GPX6: variants seen among roughly 807,000 people sequenced by gnomAD.
GPX6 encodes glutathione peroxidase 6, also known as glutathione peroxidase 6 (olfactory).
Under a neutral mutation model 20.0 loss-of-function variants are expected in GPX6, and 21 were observed. That is an observed-to-expected ratio of 1.05 (90% CI 0.74 to 1.51). The LOEUF (loss-of-function observed/expected upper bound fraction) is 1.51. GPX6 is among the 40% of genes most tolerant of loss of function. GPX6 has a pLI of 0.00. For missense variants in GPX6, 233 were observed against 254.7 expected (o/e 0.91, Z 0.58); for synonymous variants, 75 against 98.0 (o/e 0.77, Z 1.38).
intron 1 of GPX6, among the ~76,000 whole-genome samples, chr6:28,511,178 TC>T (rs1319673524): frequency 6.6e-6 from 1 of 152,202 alleles, no homozygotes; most frequent in Non-Finnish European, 1.5e-5. Flanking sequence ...TTACCTCTGT[TC>T]CCTGACACTG....
At chr6:28,510,090 C>T (rs1371997333) in intron 2 of GPX6, among the ~76,000 whole-genome samples, 1 of 152,234 alleles carries the variant, frequency 6.6e-6, no homozygotes, top group African/African-American at 2.4e-5. Flanking sequence ...AGAACAGTTT[C>T]ATACAAACAA....
At chr6:28,512,016 G>A (rs1445951597) in intron 1 of GPX6, among the ~76,000 whole-genome samples, 1 of 152,244 alleles carries the variant, frequency 6.6e-6, no homozygotes, top group African/African-American at 2.4e-5. Context: ...GGCCTTAGCT[G>A]CCACCCCGCG....
rs1035351585 is a variant in GPX6, at chr6:28,508,626, T to C, written c.241+2125A>G. On this transcript the variant is annotated intron_variant, in intron 2 of 4. Transcript: ENST00000361902. ...TTCGAGAGCAGCCTGACCAACATAG[T>C]GAAACCCAGTCTCTATTAAAAAAAA... is the stretch of plus-strand genomic sequence containing the variant. Among the ~76,000 whole-genome samples, 3 of 150,484 alleles carry C rather than the reference T, an allele frequency of 2.0e-5. No individual in the cohort carries two copies. The South Asian group carries it at 6.3e-4, about 32-fold the overall frequency.
intron 2 of GPX6, among the ~76,000 whole-genome samples, chr6:28,506,830 A>T (rs1762811260): frequency 6.6e-6 from 1 of 152,124 alleles, no homozygotes; most frequent in Non-Finnish European, 1.5e-5. Context: ...GATCAAAAAA[A>T]ATTGTAAGGA....
chr6:28,511,447 G>A (rs1443051395), intron 1 of GPX6, among the ~76,000 whole-genome samples: 2 of 152,230 alleles, frequency 1.3e-5, no homozygotes, highest in Non-Finnish European at 2.9e-5. Context: ...GTAGAGAAAG[G>A]CGGGTACCTA....
chr6:28,515,619 G>T (rs754627087), intron 1 of GPX6, 38 bp downstream of exon 1: 1 of 1,545,676 alleles, frequency 6.5e-7, no homozygotes, highest in Non-Finnish European at 8.9e-7. Context: ...TGGTCATCAC[G>T]TGCTGGAATC....
intron 4 of GPX6, among the ~76,000 whole-genome samples, chr6:28,505,319 A>G (rs558143525): frequency 7.9e-5 from 12 of 152,122 alleles, no homozygotes; most frequent in African/African-American, 2.7e-4. Context: ...TATTTTTACC[A>G]CTCTGTGACT....
At chr6:28,515,606 G>A (rs760592087) in intron 1 of GPX6, 51 bp downstream of exon 1, 8 of 1,405,848 alleles carry the variant, frequency 5.7e-6, no homozygotes, top group Non-Finnish European at 7.1e-6. Context: ...CTGGCAGCCA[G>A]GTTGGTCATC....
intron 2 of GPX6, 113 bp downstream of exon 2, chr6:28,510,638 C>T: frequency 8.1e-6 from 8 of 984,838 alleles, no homozygotes; most frequent in Non-Finnish European, 9.0e-6. Context: ...GTAGAGTCAC[C>T]TGATCAGTTC....
At chr6:28,506,523 T>G in intron 2 of GPX6, 94 bp from the exon 3 acceptor site, 1 of 737,768 alleles carries the variant, frequency 1.4e-6, no homozygotes. Context: ...ATCACATGAA[T>G]AAACCGAGGA....
chr6:28,510,118 T>C (rs4713167), intron 2 of GPX6, among the ~76,000 whole-genome samples: 62,765 of 152,088 alleles, frequency 0.41, 14,405 homozygotes, highest in African/African-American at 0.62. Flanking sequence ...TAACATGTGA[T>C]CATGATGAAT....
rs370474788 is a variant in GPX6 at position 28,506,292 on chromosome 6, G to C, written c.359+20C>G. ...GGAAATCCCGACAGGGCATCTGCAG[G>C]GTCCCATGCAAGCACTCACTTGAGA... On this transcript the variant is annotated intron_variant, in intron 3 of 4. Transcript: ENST00000361902. 7.1e-7 allele frequency: 1 copy of C among 1,404,662 alleles called. No homozygotes were observed. The highest frequency in any genetic ancestry group is 1.4e-5 in the African/African-American group (1 of 70,718). The allele number at this position is 1,404,662 out of a possible 1,614,324, so 87.0% of individuals were successfully genotyped here.
At chr6:28,512,569 A>G (rs1279849161) in intron 1 of GPX6, among the ~76,000 whole-genome samples, 2 of 152,164 alleles carry the variant, frequency 1.3e-5, no homozygotes, top group Non-Finnish European at 2.9e-5. Context: ...AAATGGACCA[A>G]TCAGCAGGAT....
intron 1 of GPX6, among the ~76,000 whole-genome samples, chr6:28,511,663 G>A (rs1250854232): frequency 6.6e-6 from 1 of 152,278 alleles, no homozygotes; most frequent in Admixed American, 6.5e-5. Flanking sequence ...CGTGGTGAGA[G>A]GTGACAACAT....
chr6:28,504,454 T>C lies in GPX6; in HGVS notation c.504A>G (p.Gln168=). 1.2e-6 allele frequency: 2 copies of C among 1,614,044 alleles called. No homozygotes were observed. Among genetic ancestry groups the C allele is most frequent in the Non-Finnish European group, 1.7e-6 (2 of 1,180,030 alleles). The change falls in exon 5 of 5, where the codon CAA becomes CAG. Residue 168 remains glutamine, a synonymous_variant. Coordinates refer to ENST00000361902, the MANE Select transcript of GPX6 (RefSeq NM_182701.1). ...GGACCTTCATGGGCTCCCAGAAGAG[T>C]TGGCTTGATGAGCCCAAAAGATCAG... is the stretch of plus-strand genomic sequence containing the variant. ...PTSDLLGSSS[Q]LFWEPMKVHD... is the part of the protein sequence containing the mutation.
At chr6:28,515,590 G>A (rs1410758730) in intron 1 of GPX6, 67 bp downstream of exon 1, 44 of 1,211,868 alleles carry the variant, frequency 3.6e-5, no homozygotes, top group Non-Finnish European at 1.7e-5. Context: ...AGAACTCCTT[G>A]CAACTCTGGC....
chr6:28,512,975 C>T (rs925359347), intron 1 of GPX6, among the ~76,000 whole-genome samples: 6 of 152,036 alleles, frequency 3.9e-5, no homozygotes, highest in African/African-American at 7.2e-5. Context: ...ATTCTGGACA[C>T]GCTGCCTTAA....
chr6:28,510,127 A>G (rs1368618837), intron 2 of GPX6, among the ~76,000 whole-genome samples: 1 of 152,250 alleles, frequency 6.6e-6, no homozygotes, highest in African/African-American at 2.4e-5. Context: ...ATCATGATGA[A>G]TCAAGGCAAA....
chr6:28,510,782 G>C lies in GPX6; in HGVS notation c.210C>G (p.Ala70=). 1 of 1,613,902 alleles carries C rather than the reference G, an allele frequency of 6.2e-7. No homozygotes were observed. Among genetic ancestry groups the C allele is most frequent in the Non-Finnish European group, 8.5e-7 (1 of 1,179,938 alleles). The part of the protein sequence containing the change: ...AGKHVLFVNV[A]AYUGLAAQYP... ...ACTGAGCTGCCAAGCCTCAATAGGCGGCCACATTGACAAACAGGACGTGCT... is the reference window on the plus strand; with the variant it reads ...ACTGAGCTGCCAAGCCTCAATAGGCCGCCACATTGACAAACAGGACGTGCT... Residue 70 remains alanine, a synonymous_variant, in exon 2 of 5, where the codon GCC becomes GCG. Coordinates refer to ENST00000361902, the MANE Select transcript of GPX6 (RefSeq NM_182701.1).
Sources: gnomAD v4.1 joint callset for allele counts (sites outside exome capture counted in the v4.1 genomes callset) on GRCh38, gnomAD v4.1.1 for gene constraint, MANE v1.5 for transcripts, NCBI Gene and HGNC (gene_info 2026-07-23, HGNC 2026-07-21) for gene names.